Variants in KAZN observed in about 807,000 individuals in gnomAD.
KAZN encodes kazrin.
In KAZN, 40 loss-of-function variants were observed where a neutral mutation model predicts 87.4. That is an observed-to-expected ratio of 0.46 (90% confidence interval 0.36 to 0.60). The LOEUF (loss-of-function observed/expected upper bound fraction) is 0.60, where lower values mean the gene tolerates loss of function less well. KAZN is among the 20% of genes least tolerant of loss of function. The pLI is 0.00. For missense variants in KAZN, 898 were observed against 1,073.9 expected, an observed-to-expected ratio of 0.84 and a Z score of 2.29; for synonymous variants, 466 against 458.3, an observed-to-expected ratio of 1.02 and a Z score of -0.22.
At chr1:14,001,749 G>A (rs1227292045) in intron 1 of KAZN, among the ~76,000 whole-genome samples, 1 of 152,174 alleles carries the variant, frequency 6.6e-6, no homozygotes, top group East Asian at 1.9e-4. Context: ...AAGCAATGGG[G>A]AAAGGATCTC....
intron 4 of KAZN, among the ~76,000 whole-genome samples, chr1:15,052,017 AGAG>A (rs1674457590): frequency 6.6e-6 from 1 of 152,218 alleles, no homozygotes; most frequent in Non-Finnish European, 1.5e-5. Context: ...GGAGGCTCAG[AGAG>A]GAGAAGAGAA....
intron 1 of KAZN, among the ~76,000 whole-genome samples, chr1:14,638,828 T>C (rs934517331): frequency 2.0e-5 from 3 of 152,096 alleles, no homozygotes; most frequent in Non-Finnish European, 4.4e-5. Flanking sequence ...TCTGATCTCC[T>C]TGCTTCTTGC....
At chr1:14,880,708 T>C (rs1311858613) in intron 1 of KAZN, among the ~76,000 whole-genome samples, 2 of 152,204 alleles carry the variant, frequency 1.3e-5, no homozygotes, top group African/African-American at 2.4e-5. Flanking sequence ...CCAACTGGAC[T>C]GCCTGCTTGT....
chr1:14,095,038 A>AG (rs149048031), intron 1 of KAZN, among the ~76,000 whole-genome samples: 11,961 of 152,222 alleles, frequency 0.079, 1,506 homozygotes, highest in African/African-American at 0.26. Flanking sequence ...GTTTCCCAAC[A>AG]GGTATCTAAG....
chr1:14,821,196 C>T (rs1444025831), intron 1 of KAZN, among the ~76,000 whole-genome samples: 1 of 152,000 alleles, frequency 6.6e-6, no homozygotes, highest in Non-Finnish European at 1.5e-5. Flanking sequence ...CCTAACCCTC[C>T]CAGACCTCAG....
chr1:14,990,289 C>G (rs1299927209), intron 2 of KAZN, among the ~76,000 whole-genome samples: 2 of 152,188 alleles, frequency 1.3e-5, no homozygotes, highest in Non-Finnish European at 2.9e-5. Context: ...GTGGAGCGAT[C>G]TCCGCTCACT....
chr1:14,680,321 C>G (rs1490530711), intron 1 of KAZN, among the ~76,000 whole-genome samples: 1 of 152,018 alleles, frequency 6.6e-6, no homozygotes, highest in Non-Finnish European at 1.5e-5. Context: ...CCTACGTAGC[C>G]CTCCCCCTAC....
rs570577014 is a variant in KAZN, at chr1:14,849,749, C to A, written c.227-110935C>A. 2.6e-5 allele frequency among the ~76,000 whole-genome samples: 4 copies of A among 152,282 alleles called. No homozygotes were observed. The East Asian group carries it at 7.7e-4, about 29-fold the overall frequency. ...CGCTTCTGATAGAGACCATTTTCAT[C>A]AAAATTAAAAATCGAATCCAGACTG... is the stretch of plus-strand genomic sequence containing the variant. On this transcript the variant is annotated intron_variant, in intron 1 of 14. Transcript: ENST00000376030.
chr1:14,476,854 A>G (rs1394114983), intron 2 of KAZN, among the ~76,000 whole-genome samples: 1 of 152,080 alleles, frequency 6.6e-6, no homozygotes, highest in Non-Finnish European at 1.5e-5. Flanking sequence ...ACTTCTCTCT[A>G]GCCGTGGCGA....
chr1:14,192,773 C>A (rs893712097), intron 2 of KAZN, among the ~76,000 whole-genome samples: 3 of 152,140 alleles, frequency 2.0e-5, no homozygotes, highest in African/African-American at 7.2e-5. Flanking sequence ...CCAGCTGCAT[C>A]AAAAAGAAAT....
chr1:13,929,975 GC>G lies in KAZN; in HGVS notation c.91+36221del, dbSNP rs1557727548. Reference sequence around the variant, plus strand: ...ATGGTCACAATCTTGGTTGGTTGGAGCCAGAATTTGAACTCAGGCAATCAGT... The same window carrying G: ...ATGGTCACAATCTTGGTTGGTTGGAGCAGAATTTGAACTCAGGCAATCAGT... On this transcript the variant is annotated intron_variant, in intron 1 of 16. Coordinates refer to the KAZN transcript ENST00000636203. Among the ~76,000 whole-genome samples, 3 of 152,286 alleles carry G rather than the reference GC, an allele frequency of 2.0e-5. No homozygotes were observed. In the East Asian group the frequency reaches 5.8e-4, roughly 29 times the overall value.
chr1:15,087,463 G>T (rs1185163210), intron 8 of KAZN, among the ~76,000 whole-genome samples: 1 of 150,724 alleles, frequency 6.6e-6, no homozygotes, highest in Non-Finnish European at 1.5e-5. Flanking sequence ...CGTGATCTCA[G>T]CTCACTGCAA....
At position 13,920,933 on chromosome 1, in the gene KAZN, G is replaced by A. The variant is rs199817622; in HGVS notation, c.91+27177G>A. On this transcript the variant is annotated intron_variant, in intron 1 of 16. Coordinates refer to the KAZN transcript ENST00000636203. ...TTGTCCAAGATGGCGATGCTCCTGC[G>A]CTGTCACTTGTCAGATGTACAGCTC... 5.9e-5 allele frequency among the ~76,000 whole-genome samples: 9 copies of A among 152,212 alleles called. 1 individual carries two copies. Among genetic ancestry groups the A allele is most frequent in the East Asian group, 5.8e-4 (3 of 5,182 alleles).
chr1:14,158,659 T>C lies in KAZN; in HGVS notation c.92-21776T>C, dbSNP rs115155277. 4.6e-3 allele frequency among the ~76,000 whole-genome samples: 706 copies of C among 152,296 alleles called. 5 individuals carry two copies. Among genetic ancestry groups the C allele is most frequent in the African/African-American group, 0.016 (648 of 41,574 alleles). On this transcript the variant is annotated intron_variant, in intron 1 of 16. Coordinates refer to the KAZN transcript ENST00000636203. ...TTTTCCTGGATGCTGTTGTTGCTTA[T>C]AGATGCTTTTCAATGTCTGGGCATT...
chr1:14,842,086 C>T (rs147804957), intron 1 of KAZN, among the ~76,000 whole-genome samples: 31 of 152,324 alleles, frequency 2.0e-4, no homozygotes, highest in African/African-American at 7.5e-4. Flanking sequence ...TCCCTGCTCT[C>T]TTTCTCACTT....
At chr1:14,376,701 T>C (rs1017092649) in intron 2 of KAZN, among the ~76,000 whole-genome samples, 2 of 152,242 alleles carry the variant, frequency 1.3e-5, no homozygotes, top group African/African-American at 4.8e-5. Context: ...AGCCATGTCC[T>C]AACTACATAA....
upstream of KAZN, among the ~76,000 whole-genome samples, chr1:14,596,191 C>A (rs1676497771): frequency 6.6e-6 from 1 of 152,156 alleles, no homozygotes; most frequent in Non-Finnish European, 1.5e-5. Context: ...GCCGGATAAC[C>A]CTCCTTCCCC....
chr1:14,119,587 T>A (rs1644706972), intron 1 of KAZN, among the ~76,000 whole-genome samples: 1 of 152,154 alleles, frequency 6.6e-6, no homozygotes, highest in Non-Finnish European at 1.5e-5. Context: ...GCCATCTTTT[T>A]AATAGCTAGT....
intron 2 of KAZN, among the ~76,000 whole-genome samples, chr1:14,206,906 T>C (rs1646757676): frequency 6.6e-6 from 1 of 152,088 alleles, no homozygotes; most frequent in Non-Finnish European, 1.5e-5. Flanking sequence ...CTGTGATAAA[T>C]GGTAGAGTAA....
Sources: allele counts gnomAD v4.1 joint callset (sites outside exome capture counted in the v4.1 genomes callset), GRCh38; gene constraint gnomAD v4.1.1; transcripts MANE v1.5; gene names NCBI Gene and HGNC (gene_info 2026-07-23, HGNC 2026-07-21).